IL1RAPL2: variants seen among roughly 807,000 people sequenced by gnomAD.
The protein encoded by IL1RAPL2 is interleukin 1 receptor accessory protein like 2.
In IL1RAPL2, 3 loss-of-function variants were observed where a neutral mutation model predicts 44.1. The ratio of observed to expected loss-of-function variants is 0.07; its 90% CI spans 0.03 to 0.18. IL1RAPL2 has a LOEUF of 0.18. IL1RAPL2 is among the 10% of genes least tolerant of loss of function. IL1RAPL2 has a pLI of 1.00. For missense variants in IL1RAPL2, 391 were observed against 496.4 expected, an observed-to-expected ratio of 0.79 and a Z score of 2.02; for synonymous variants, 181 against 178.8, an observed-to-expected ratio of 1.01 and a Z score of -0.10.
intron 2 of IL1RAPL2, among the ~76,000 whole-genome samples, chrX:104,943,361 G>A (rs1302250000): frequency 9.0e-6 from 1 of 111,554 alleles, no homozygotes; most frequent in Non-Finnish European, 1.9e-5. Flanking sequence ...ACTACACCTT[G>A]TTTCCATTTG....
chrX:105,560,608 T>C (rs1384995623), intron 6 of IL1RAPL2, among the ~76,000 whole-genome samples: 8 of 109,794 alleles, frequency 7.3e-5, no homozygotes, highest in African/African-American at 2.3e-4. Context: ...CTAGTAGAGA[T>C]GGGGTTTCGC....
chrX:104,798,301 C>A (rs1337241611), intron 2 of IL1RAPL2, among the ~76,000 whole-genome samples: 1 of 110,192 alleles, frequency 9.1e-6, no homozygotes, highest in Non-Finnish European at 1.9e-5. Flanking sequence ...GTATCAGCAA[C>A]CTAGAGAACA....
At chrX:105,071,945 C>T in intron 2 of IL1RAPL2, among the ~76,000 whole-genome samples, 1 of 112,011 alleles carries the variant, frequency 8.9e-6, no homozygotes, top group East Asian at 2.8e-4. Context: ...AGCTTCTTGA[C>T]ATTGGTCTGA....
chrX:105,540,463 G>A (rs747573852), intron 6 of IL1RAPL2, among the ~76,000 whole-genome samples: 1 of 110,147 alleles, frequency 9.1e-6, no homozygotes, highest in East Asian at 2.9e-4. Context: ...CTCACAAGTG[G>A]GAGCTGAATA....
At chrX:105,349,382 A>G (rs1216049311) in intron 5 of IL1RAPL2, among the ~76,000 whole-genome samples, 1 of 112,159 alleles carries the variant, frequency 8.9e-6, no homozygotes, top group Non-Finnish European at 1.9e-5. Context: ...TCTTCCTTGA[A>G]CAAGCTAAAA....
chrX:105,186,049 T>G (rs782327519), intron 2 of IL1RAPL2, among the ~76,000 whole-genome samples: 2 of 112,047 alleles, frequency 1.8e-5, no homozygotes, highest in East Asian at 2.8e-4. Flanking sequence ...TTATAAATAC[T>G]CTAGAGATAA....
chrX:104,996,754 C>T (rs918627769), intron 2 of IL1RAPL2, among the ~76,000 whole-genome samples: 10 of 111,705 alleles, frequency 9.0e-5, no homozygotes, highest in Admixed American at 1.9e-4. Context: ...AAAGAACTTA[C>T]ATCTAATGGA....
intron 2 of IL1RAPL2, among the ~76,000 whole-genome samples, chrX:104,848,600 T>C (rs1453632586): frequency 9.3e-6 from 1 of 107,943 alleles, no homozygotes; most frequent in African/African-American, 3.3e-5. Flanking sequence ...TAATTGGTTT[T>C]GTTAGAAATA....
intron 4 of IL1RAPL2, among the ~76,000 whole-genome samples, chrX:105,252,009 T>C (rs1235985061): frequency 2.7e-5 from 3 of 111,192 alleles, no homozygotes; most frequent in African/African-American, 9.8e-5. Context: ...TTTGATGTGT[T>C]TTGACAAATG....
chrX:105,685,860 G>T (rs1298140910), intron 6 of IL1RAPL2, among the ~76,000 whole-genome samples: 1 of 111,918 alleles, frequency 8.9e-6, no homozygotes, highest in Non-Finnish European at 1.9e-5. Context: ...TCTCTCAGCA[G>T]AAACCCTACA....
chrX:105,460,002 A>G (rs900570165), intron 5 of IL1RAPL2, among the ~76,000 whole-genome samples: 3 of 111,441 alleles, frequency 2.7e-5, no homozygotes, highest in Non-Finnish European at 3.8e-5. Flanking sequence ...GGATGCCACA[A>G]TTCCTCCTGG....
intron 4 of IL1RAPL2, among the ~76,000 whole-genome samples, chrX:105,252,917 C>G (rs2034282473): frequency 1.0e-5 from 1 of 99,576 alleles, no homozygotes; most frequent in Non-Finnish European, 1.9e-5. Context: ...CAGCCACTCT[C>G]AAAAGAGCAA....
In IL1RAPL2 at chrX:105,368,821, C is replaced by T. The variant is rs146701853; in HGVS notation, c.697+101280C>T. Reference sequence around the variant, plus strand: ...CTTCGGGTACACTGAAAATGTGTATCATATTCTGTATGATGGTGTCCCATA... The same window carrying T: ...CTTCGGGTACACTGAAAATGTGTATTATATTCTGTATGATGGTGTCCCATA... On this transcript the variant is annotated intron_variant, in intron 5 of 10. Coordinates refer to ENST00000372582, the MANE Select transcript of IL1RAPL2 (RefSeq NM_017416.2). Among the ~76,000 whole-genome samples, 482 of 110,369 alleles carry T rather than the reference C, an allele frequency of 4.4e-3. 2 individuals are homozygous for T. The highest frequency in any genetic ancestry group is 0.015 in the African/African-American group (453 of 30,456).
chrX:104,859,087 G>A (rs1326341487), intron 2 of IL1RAPL2, among the ~76,000 whole-genome samples: 1 of 111,102 alleles, frequency 9.0e-6, no homozygotes, highest in Non-Finnish European at 1.9e-5. Flanking sequence ...ATTTATTTCT[G>A]ATGAGGCTAC....
intron 5 of IL1RAPL2, among the ~76,000 whole-genome samples, chrX:105,344,125 C>T (rs1382990407): frequency 1.8e-5 from 2 of 111,940 alleles, no homozygotes; most frequent in South Asian, 3.7e-4. Flanking sequence ...GAACCCCTGG[C>T]CTCAAGTGAT....
intron 2 of IL1RAPL2, among the ~76,000 whole-genome samples, chrX:104,877,143 G>T (rs374707290): frequency 1.8e-5 from 2 of 111,059 alleles, no homozygotes; most frequent in Admixed American, 9.6e-5. Context: ...TGGACATTTG[G>T]GTTGGTTCCA....
chrX:105,279,862 T>G (rs1257942609), intron 5 of IL1RAPL2, among the ~76,000 whole-genome samples: 3 of 112,262 alleles, frequency 2.7e-5, no homozygotes, highest in African/African-American at 9.7e-5. Flanking sequence ...CCGAAGTAAT[T>G]TATAGATTCA....
intron 2 of IL1RAPL2, among the ~76,000 whole-genome samples, chrX:105,186,568 TC>T (rs1265199045): frequency 2.7e-5 from 3 of 111,544 alleles, no homozygotes; most frequent in Non-Finnish European, 5.7e-5. Context: ...GACAGACACT[TC>T]GATAGGGTAG....
chrX:104,630,462 A>ATT (rs758259103), intron 1 of IL1RAPL2, among the ~76,000 whole-genome samples: 10 of 90,330 alleles, frequency 1.1e-4, no homozygotes, highest in African/African-American at 2.0e-4. Flanking sequence ...ATTTTTTTGT[A>ATT]TTTTTTTTTT....
Sources: gnomAD v4.1 joint callset for allele counts (sites outside exome capture counted in the v4.1 genomes callset) on GRCh38, gnomAD v4.1.1 for gene constraint, MANE v1.5 for transcripts, NCBI Gene and HGNC (gene_info 2026-07-23, HGNC 2026-07-21) for gene names.